Variants in LAMA1 observed in about 807,000 individuals in gnomAD.
LAMA1 encodes the protein laminin subunit alpha-1.
A neutral mutation model predicts 348.7 loss-of-function variants in LAMA1; 219 were observed. The ratio of observed to expected loss-of-function variants is 0.63; its 90% CI spans 0.56 to 0.70. The LOEUF is 0.70. Ranked by LOEUF, LAMA1 falls within the 30% of genes least tolerant of loss-of-function variation. The pLI is 0.00. For synonymous variants in LAMA1, 1,487 were observed against 1,491.0 expected (o/e 1.00, Z 0.06); for missense variants, 3,744 against 3,888.0 (o/e 0.96, Z 0.99).
chr18:7,062,628 C>G (rs918378923), intron 3 of LAMA1, among the ~76,000 whole-genome samples: 4 of 152,058 alleles, frequency 2.6e-5, no homozygotes, highest in South Asian at 2.1e-4. Flanking sequence ...ATAAAAGCAA[C>G]GGGTCTTACA....
At chr18:6,991,939 A>G (rs2057760708) in intron 36 of LAMA1, among the ~76,000 whole-genome samples, 1 of 152,250 alleles carries the variant, frequency 6.6e-6, no homozygotes, top group African/African-American at 2.4e-5. Context: ...ATAAAGTATC[A>G]TGTAACTATT....
intron 9 of LAMA1, among the ~76,000 whole-genome samples, chr18:7,040,529 CAG>C (rs1428584109): frequency 6.6e-6 from 1 of 152,168 alleles, no homozygotes; most frequent in Non-Finnish European, 1.5e-5. Flanking sequence ...AGAAAGAAAA[CAG>C]AGATGAAACC....
rs112247467 is a variant in LAMA1 at position 7,019,375 on chromosome 18, C to T, written c.2702-1991G>A. Among the ~76,000 whole-genome samples, 400 of 152,184 alleles carry T rather than the reference C, an allele frequency of 2.6e-3. 2 individuals are homozygous for T. Among genetic ancestry groups the T allele is most frequent in the African/African-American group, 8.5e-3 (354 of 41,508 alleles). On this transcript the variant is annotated intron_variant, in intron 19 of 62. Transcript: ENST00000389658. ...TCTTGTTTCTCGTGTGTCTCCCCTC[C>T]GTGTTTCATTTCAAGCCGCCTCTTT... is the stretch of plus-strand genomic sequence containing the variant.
intron 11 of LAMA1, 148 bp from the exon 12 acceptor site, chr18:7,037,899 C>T: frequency 1.3e-6 from 1 of 787,106 alleles, no homozygotes; most frequent in Non-Finnish European, 2.1e-6. Context: ...GCTGCTGAAC[C>T]TCATGACCCT....
chr18:7,027,824 T>A (rs191303742), intron 16 of LAMA1, among the ~76,000 whole-genome samples: 2 of 152,064 alleles, frequency 1.3e-5, no homozygotes, highest in African/African-American at 4.8e-5. Context: ...GCACCTGTAA[T>A]CCCAGCTACT....
At chr18:7,020,829 T>A (rs1235298693) in intron 19 of LAMA1, among the ~76,000 whole-genome samples, 2 of 152,164 alleles carry the variant, frequency 1.3e-5, no homozygotes, top group African/African-American at 4.8e-5. Context: ...CCAACACCCC[T>A]GGCAGCCATT....
rs1381778773 is a variant in LAMA1 at position 7,039,020 on chromosome 18, A to G, written c.1423-70T>C. 6.2e-6 allele frequency: 8 copies of G among 1,283,794 alleles called. No homozygotes were observed. The African/African-American group carries it at 1.2e-4, about 19-fold the overall frequency. 79.5% of individuals were successfully genotyped at this position (1,283,794 alleles called of 1,614,324 possible). A position where few individuals can be genotyped will look rare whatever the true frequency, so the allele number is the denominator to read the frequency against. ...GTCCAGAGAGAATAAAATGACATTA[A>G]CAAGATAGGTGTTCGGTGATCCACA... On this transcript the variant is annotated intron_variant, in intron 10 of 62. Coordinates refer to ENST00000389658, the MANE Select transcript of LAMA1 (RefSeq NM_005559.4).
At chr18:7,095,122 T>TTCTCTCTCTCTCTCTCTC (rs71165720) in intron 1 of LAMA1, among the ~76,000 whole-genome samples, 25 of 126,560 alleles carry the variant, frequency 2.0e-4, no homozygotes, top group African/African-American at 7.7e-4. Flanking sequence ...CTCAGGACCT[T>TTCTCTCTCTCTCTCTCTC]TCTCTCTCTC....
chr18:7,000,247 G>A (rs556265672), intron 30 of LAMA1, among the ~76,000 whole-genome samples: 11 of 152,344 alleles, frequency 7.2e-5, no homozygotes, highest in African/African-American at 2.6e-4. Context: ...AATGTTAAGT[G>A]GAAGAAGACT....
At chr18:7,087,825 T>A (rs1460518947) in intron 1 of LAMA1, among the ~76,000 whole-genome samples, 1 of 152,156 alleles carries the variant, frequency 6.6e-6, no homozygotes, top group African/African-American at 2.4e-5. Context: ...TCTCTCTATA[T>A]GAATGATGAG....
At position 7,010,277 on chromosome 18, in the gene LAMA1, T is replaced by A; in HGVS notation, c.3796A>T (p.Arg1266Ter). The A allele has an allele frequency of 6.2e-7, 1 of 1,614,230 alleles. No individual in the cohort carries two copies. The highest frequency in any genetic ancestry group is 8.5e-7 in the Non-Finnish European group (1 of 1,180,040). ...GCATCCATGTAAATGACTTGCTTTC[T>A]GATCCGACCACCTTTGATGAGAACT... ...PQVLIKGGRI[R>*]KQVIYMDAPA... The change falls in exon 26 of 63, where the codon AGA becomes TGA. Residue 1266 changes from arginine to a stop codon, truncating the protein, a stop_gained. Coordinates refer to ENST00000389658, the MANE Select transcript of LAMA1 (RefSeq NM_005559.4). LOFTEE classifies it high-confidence loss of function.
intron 26 of LAMA1, among the ~76,000 whole-genome samples, 199 bp from the exon 27 acceptor site, chr18:7,009,565 T>C (rs2057849760): frequency 6.6e-6 from 1 of 152,126 alleles, no homozygotes; most frequent in Non-Finnish European, 1.5e-5. Flanking sequence ...TAGATATGCA[T>C]TACCTAAGGC....
chr18:7,043,934 T>A (rs2058031237), intron 7 of LAMA1, among the ~76,000 whole-genome samples: 1 of 152,020 alleles, frequency 6.6e-6, no homozygotes, highest in Non-Finnish European at 1.5e-5. Flanking sequence ...GGCGGGCGGA[T>A]CACGAGGTCA....
chr18:6,951,633 TG>T (rs1414605525), intron 57 of LAMA1, among the ~76,000 whole-genome samples: 1 of 143,574 alleles, frequency 7.0e-6, no homozygotes, highest in African/African-American at 2.5e-5. Context: ...AGAGATCCTC[TG>T]TCTAAACTGA....
At chr18:7,040,998 G>A (rs777031193) in intron 9 of LAMA1, among the ~76,000 whole-genome samples, 7 of 152,174 alleles carry the variant, frequency 4.6e-5, no homozygotes, top group Non-Finnish European at 8.8e-5. Flanking sequence ...CTGGAGGAAA[G>A]TAAGAAGTGA....
chr18:7,044,242 C>T (rs2058032932), intron 7 of LAMA1, among the ~76,000 whole-genome samples: 1 of 148,926 alleles, frequency 6.7e-6, no homozygotes, highest in Non-Finnish European at 1.5e-5. Flanking sequence ...ACTGTGTTGG[C>T]TGGAGGGATA....
At chr18:6,972,936 C>T (rs763793284) in intron 47 of LAMA1, 121 bp downstream of exon 47, 3 of 1,046,498 alleles carry the variant, frequency 2.9e-6, no homozygotes, top group African/African-American at 1.6e-5. Flanking sequence ...GGTGATCTGC[C>T]CACCTTGGCC....
rs757224628 is a variant in LAMA1 at position 7,034,532 on chromosome 18, C to T, written c.1998G>A (p.Val666=). The change falls in exon 14 of 63, where the codon GTG becomes GTA. Residue 666 remains valine (V), a synonymous_variant. Coordinates refer to ENST00000389658, the MANE Select transcript of LAMA1 (RefSeq NM_005559.4). ...AGTTGGCTCTGATCAAAAGATGTGT[C>T]ACATTGGCAAGGACAGTCATCAGCT... ...RDQLMTVLAN[V]THLLIRANYN... The T allele has an allele frequency of 1.2e-6, 2 of 1,613,980 alleles. No individual in the cohort carries two copies. Among genetic ancestry groups the T allele is most frequent in the Admixed American group, 3.3e-5 (2 of 59,996 alleles).
At chr18:7,051,519 C>T (rs2058062344) in intron 3 of LAMA1, among the ~76,000 whole-genome samples, 2 of 151,982 alleles carry the variant, frequency 1.3e-5, no homozygotes, top group Non-Finnish European at 2.9e-5. Flanking sequence ...CATTTGTTTT[C>T]AGAATGAACT....
Sources: allele counts gnomAD v4.1 joint callset (sites outside exome capture counted in the v4.1 genomes callset), GRCh38; gene constraint gnomAD v4.1.1; transcripts MANE v1.5; gene names NCBI Gene and HGNC (gene_info 2026-07-23, HGNC 2026-07-21).